RNF150: variants seen among roughly 807,000 people sequenced by gnomAD.
RNF150 encodes ring finger protein 150.
A neutral mutation model predicts 39.3 loss-of-function variants in RNF150; 24 were observed. The observed-to-expected ratio is 0.61, with a 90% CI of 0.44 to 0.86. The LOEUF (loss-of-function observed/expected upper bound fraction) is 0.86, where lower values mean the gene tolerates loss of function less well. Among genes scored for constraint, RNF150 ranks in the 40% least tolerant of loss-of-function variants. The pLI is 0.00. For missense variants in RNF150, 502 were observed against 587.8 expected (o/e 0.85, Z 1.51); for synonymous variants, 255 against 227.3 (o/e 1.12, Z -1.10).
At chr4:140,906,580 A>G (rs762391194) in intron 6 of RNF150, among the ~76,000 whole-genome samples, 6 of 152,204 alleles carry the variant, frequency 3.9e-5, no homozygotes, top group Non-Finnish European at 7.3e-5. Context: ...CCCAAGGATC[A>G]GAGTTGATGG....
At chr4:140,912,959 TAAAAAAAAA>T (rs10616886) in intron 5 of RNF150, among the ~76,000 whole-genome samples, 8 of 138,176 alleles carry the variant, frequency 5.8e-5, no homozygotes, top group South Asian at 2.2e-4. Context: ...CATCAGAACA[TAAAAAAAAA>T]AAAAAAAAAA....
intron 6 of RNF150, among the ~76,000 whole-genome samples, chr4:140,888,891 A>G (rs1312148016): frequency 6.6e-6 from 1 of 152,202 alleles, no homozygotes; most frequent in Non-Finnish European, 1.5e-5. Flanking sequence ...ATAAAGTTGA[A>G]GCTATTTAGT....
chr4:141,054,894 T>C (rs1736911528), intron 1 of RNF150, among the ~76,000 whole-genome samples: 2 of 152,086 alleles, frequency 1.3e-5, no homozygotes, highest in South Asian at 4.1e-4. Flanking sequence ...ACCAGAGAAA[T>C]TGCTAAAGCA....
rs1731788989 is a variant in RNF150 at position 140,935,019 on chromosome 4, ATT to A, written c.891-8948_891-8947del. The stretch of plus-strand genomic sequence containing the variant: ...TATATATATATATAAATATATATAT[ATT>A]ATATATTTATAATATATATATATAA... On this transcript the variant is annotated intron_variant, in intron 4 of 6. Transcript: ENST00000515673. Among the ~76,000 whole-genome samples, 22 of 58,250 alleles carry A rather than the reference ATT, an allele frequency of 3.8e-4. No individual in the cohort carries two copies. In the South Asian group the frequency reaches 4.4e-3, roughly 12 times the overall value. 38.2% of individuals were successfully genotyped at this position (58,250 alleles called of 152,430 possible).
At chr4:141,108,482 T>C (rs555259520) in intron 1 of RNF150, among the ~76,000 whole-genome samples, 2 of 152,336 alleles carry the variant, frequency 1.3e-5, no homozygotes, top group East Asian at 1.9e-4. Context: ...GTGCTTTACA[T>C]ACATTACCAC....
intron 1 of RNF150, among the ~76,000 whole-genome samples, chr4:140,978,365 A>G (rs1733741687): frequency 6.6e-6 from 1 of 152,176 alleles, no homozygotes; most frequent in Non-Finnish European, 1.5e-5. Context: ...TTTAAAGGAG[A>G]TGCTAACAAT....
At chr4:140,985,887 G>T (rs1041771457) in intron 1 of RNF150, among the ~76,000 whole-genome samples, 16 of 152,162 alleles carry the variant, frequency 1.1e-4, no homozygotes, top group Admixed American at 8.5e-4. Flanking sequence ...CTATTGGACA[G>T]AACTGTTCAG....
At position 140,964,637 on chromosome 4, in the gene RNF150, GA is replaced by G. The variant is rs1733162681; in HGVS notation, c.735+2985del. 5.9e-5 allele frequency among the ~76,000 whole-genome samples: 9 copies of G among 152,076 alleles called. No individual in the cohort carries two copies. In the South Asian group the frequency reaches 1.7e-3, roughly 28 times the overall value. On this transcript the variant is annotated intron_variant, in intron 2 of 6. Coordinates refer to ENST00000515673, the MANE Select transcript of RNF150 (RefSeq NM_020724.2). ...AATAAAAAGAAGAGTTGAATAAGGCGAAAACTTATTACATTTGAATGGGAAG... is the reference window on the plus strand; with the variant it reads ...AATAAAAAGAAGAGTTGAATAAGGCGAAACTTATTACATTTGAATGGGAAG...
At chr4:141,096,161 T>TTTTAA (rs1738766877) in intron 1 of RNF150, among the ~76,000 whole-genome samples, 1 of 151,494 alleles carries the variant, frequency 6.6e-6, no homozygotes, top group Non-Finnish European at 1.5e-5. Flanking sequence ...TCATATTCTT[T>TTTTAA]TTTAATACCA....
intron 1 of RNF150, among the ~76,000 whole-genome samples, chr4:141,055,457 T>G (rs1181387629): frequency 6.6e-6 from 1 of 152,162 alleles, no homozygotes; most frequent in Non-Finnish European, 1.5e-5. Context: ...TCTTTTTGTT[T>G]TTTGGAAGAC....
chr4:141,149,262 T>TG (rs1727256499), intron 1 of RNF150, among the ~76,000 whole-genome samples: 1 of 152,170 alleles, frequency 6.6e-6, no homozygotes, highest in Non-Finnish European at 1.5e-5. Flanking sequence ...AATAGGTTTT[T>TG]GGGGAACAGG....
intron 1 of RNF150, among the ~76,000 whole-genome samples, chr4:140,969,192 T>G (rs1419044653): frequency 6.6e-6 from 1 of 152,168 alleles, no homozygotes; most frequent in Non-Finnish European, 1.5e-5. Context: ...TGTGCAGGTT[T>G]TCAACCTTAA....
At chr4:141,147,292 C>A (rs1720327426) in intron 1 of RNF150, among the ~76,000 whole-genome samples, 1 of 152,210 alleles carries the variant, frequency 6.6e-6, no homozygotes, top group South Asian at 2.1e-4. Flanking sequence ...TCCTGCTTGG[C>A]AGGTGGCCTT....
intron 1 of RNF150, among the ~76,000 whole-genome samples, chr4:141,129,596 G>C (rs1726840937): frequency 6.6e-6 from 1 of 152,310 alleles, no homozygotes; most frequent in Non-Finnish European, 1.5e-5. Flanking sequence ...CTTTAAATGA[G>C]TGAACTGCAG....
intron 1 of RNF150, among the ~76,000 whole-genome samples, chr4:141,062,652 AT>A (rs1179319479): frequency 1.3e-5 from 2 of 152,162 alleles, no homozygotes; most frequent in African/African-American, 4.8e-5. Context: ...TGTTTATCAC[AT>A]TATCTTATAT....
At chr4:140,938,636 A>G (rs74362972) in intron 4 of RNF150, among the ~76,000 whole-genome samples, 1,625 of 152,318 alleles carry the variant, frequency 0.011, 20 homozygotes, top group Non-Finnish European at 0.019. Flanking sequence ...GCTGTCACCT[A>G]CATTAGCTCA....
chr4:141,038,455 C>T (rs985902811), intron 1 of RNF150, among the ~76,000 whole-genome samples: 7 of 151,996 alleles, frequency 4.6e-5, no homozygotes, highest in Non-Finnish European at 7.4e-5. Context: ...TTTGGGAGGC[C>T]GACGTGGGAG....
At chr4:140,977,322 G>A (rs1044307364) in intron 1 of RNF150, among the ~76,000 whole-genome samples, 2 of 152,088 alleles carry the variant, frequency 1.3e-5, no homozygotes, top group South Asian at 4.2e-4. Context: ...CTACTGCTCA[G>A]GTAGGGGCAG....
At chr4:141,009,384 T>G (rs900660296) in intron 1 of RNF150, among the ~76,000 whole-genome samples, 3 of 152,206 alleles carry the variant, frequency 2.0e-5, no homozygotes, top group African/African-American at 7.2e-5. Context: ...ATTCCAGCAC[T>G]ACCTTACTGT....
Sources: allele counts gnomAD v4.1 joint callset (sites outside exome capture counted in the v4.1 genomes callset), GRCh38; gene constraint gnomAD v4.1.1; transcripts MANE v1.5; gene names NCBI Gene and HGNC (gene_info 2026-07-23, HGNC 2026-07-21).